SMARCA1: variants seen among roughly 807,000 people sequenced by gnomAD.
SMARCA1 encodes SWI/SNF-related matrix-associated actin-dependent regulator of chromatin subfamily A member 1.
SMARCA1 carries 17 observed loss-of-function variants against 93.6 expected under a neutral mutation model. That is an observed-to-expected ratio of 0.18 (90% CI 0.12 to 0.27). SMARCA1 has a LOEUF of 0.27. Among genes scored for constraint, SMARCA1 ranks in the 10% least tolerant of loss-of-function variants. The pLI is 1.00. For missense variants in SMARCA1, 630 were observed against 819.0 expected (o/e 0.77, Z 2.82); for synonymous variants, 271 against 271.4 (o/e 1.00, Z 0.01).
At chrX:129,458,545 C>T (rs1932740050) in intron 23 of SMARCA1, among the ~76,000 whole-genome samples, 1 of 112,320 alleles carries the variant, frequency 8.9e-6, no homozygotes, top group South Asian at 3.6e-4. Context: ...GAATATCAAT[C>T]ATCCTGGGCA....
chrX:129,465,870 T>C lies in SMARCA1; in HGVS notation c.2791A>G (p.Ser931Gly). Residue 931 changes from serine (S) to glycine (G), a missense_variant, in exon 22 of 25, where the codon AGT becomes GGT. Transcript: ENST00000371121. ...TTGGCATCCAGGGCTTTCTTGATAC[T>C]GATCCTTCGTTGAATTCTTGCTTCT... is the stretch of plus-strand genomic sequence containing the variant. The part of the protein sequence containing the change: ...RGEARIQRRI[S>G]IKKALDAKIA... 8.5e-7 allele frequency: 1 copy of C among 1,174,328 alleles called. No individual in the cohort carries two copies. The highest frequency in any genetic ancestry group is 1.8e-5 in the African/African-American group (1 of 56,773).
chrX:129,447,358 T>C (rs1431018110), intron 24 of SMARCA1, 125 bp from the exon 25 acceptor site: 20 of 682,748 alleles, frequency 2.9e-5, no homozygotes, highest in Non-Finnish European at 4.1e-5. Context: ...TTAAATGTTA[T>C]ATTCACAGTT....
intron 5 of SMARCA1, among the ~76,000 whole-genome samples, chrX:129,513,120 T>C (rs1935067675): frequency 8.9e-6 from 1 of 112,241 alleles, no homozygotes; most frequent in African/African-American, 3.2e-5. Context: ...TATGCCAAAA[T>C]GTTAGCTGTG....
chrX:129,463,318 C>T (rs1436534955), intron 23 of SMARCA1, among the ~76,000 whole-genome samples: 2 of 111,625 alleles, frequency 1.8e-5, no homozygotes, highest in Non-Finnish European at 3.8e-5. Context: ...GAGTTCTCTG[C>T]TAAACATAGT....
At chrX:129,458,575 G>C (rs1932741128) in intron 23 of SMARCA1, among the ~76,000 whole-genome samples, 1 of 112,134 alleles carries the variant, frequency 8.9e-6, no homozygotes, top group African/African-American at 3.2e-5. Flanking sequence ...AATATCCTTT[G>C]CTCCAATACT....
At chrX:129,483,980 A>G (rs1405463964) in intron 17 of SMARCA1, among the ~76,000 whole-genome samples, 1 of 112,308 alleles carries the variant, frequency 8.9e-6, no homozygotes, top group Non-Finnish European at 1.9e-5. Flanking sequence ...CAGAAATAAA[A>G]TATAATCTCA....
At chrX:129,477,878 C>G (rs1933458319) in intron 19 of SMARCA1, among the ~76,000 whole-genome samples, 1 of 110,028 alleles carries the variant, frequency 9.1e-6, no homozygotes, top group African/African-American at 3.3e-5. Context: ...ACCTACAAAG[C>G]CCTCCATATG....
At chrX:129,498,685 T>C (rs1176925756) in intron 10 of SMARCA1, among the ~76,000 whole-genome samples, 2 of 111,687 alleles carry the variant, frequency 1.8e-5, no homozygotes, top group Non-Finnish European at 3.8e-5. Context: ...CTAAGAGAAG[T>C]TAAACAACTT....
intron 23 of SMARCA1, among the ~76,000 whole-genome samples, chrX:129,462,507 G>A (rs1232824861): frequency 9.0e-6 from 1 of 111,527 alleles, no homozygotes; most frequent in Non-Finnish European, 1.9e-5. Flanking sequence ...AAATGTATGT[G>A]TGTTTTAAAA....
intron 10 of SMARCA1, 41 bp from the exon 11 acceptor site, chrX:129,498,112 G>T: frequency 1.3e-6 from 1 of 778,059 alleles, no homozygotes; most frequent in Non-Finnish European, 2.0e-6. Flanking sequence ...TTACTAGAAA[G>T]TTAATGTCAT....
chrX:129,504,932 T>G, intron 8 of SMARCA1, 130 bp from the exon 9 acceptor site: 8 of 429,942 alleles, frequency 1.9e-5, no homozygotes, highest in Non-Finnish European at 2.4e-5. Context: ...TTATCAGCTG[T>G]GATAGCTACT....
At chrX:129,484,514 C>T (rs1308086183) in intron 17 of SMARCA1, among the ~76,000 whole-genome samples, 1 of 111,786 alleles carries the variant, frequency 8.9e-6, no homozygotes, top group South Asian at 3.7e-4. Context: ...CAAAATGTCT[C>T]ACCTCTCATT....
At chrX:129,504,610 GAGA>G in intron 9 of SMARCA1, 121 bp downstream of exon 9, 1 of 368,925 alleles carries the variant, frequency 2.7e-6, no homozygotes, top group African/African-American at 2.9e-5. Context: ...GGTTAGGAGG[GAGA>G]AACAGTGACA....
intron 17 of SMARCA1, among the ~76,000 whole-genome samples, chrX:129,484,317 T>C (rs1015279747): frequency 2.7e-5 from 3 of 111,847 alleles, no homozygotes; most frequent in African/African-American, 9.7e-5. Flanking sequence ...CTCAAAAGCA[T>C]ATTAGAAAGG....
Position 129,508,178 on chromosome X carries a change from A to G in SMARCA1, c.811-82T>C, listed in dbSNP as rs999719710. The G allele has an allele frequency of 8.3e-5, 51 of 612,575 alleles. No individual in the cohort carries two copies. The African/African-American group carries it at 9.6e-4, about 12-fold the overall frequency. 50.5% of individuals were successfully genotyped at this position (612,575 alleles called of 1,213,427 possible). The stretch of plus-strand genomic sequence containing the variant: ...AGATGATCACAGAATTAAAATATCA[A>G]GAAAATATTAAGAATTCTAAGAGAC... On this transcript the variant is annotated intron_variant, in intron 6 of 24. Coordinates refer to ENST00000371121, the MANE Select transcript of SMARCA1 (RefSeq NM_001282874.2).
At chrX:129,487,330 G>A (rs566852531) in intron 16 of SMARCA1, among the ~76,000 whole-genome samples, 193 bp from the exon 17 acceptor site, 33 of 112,140 alleles carry the variant, frequency 2.9e-4, no homozygotes, top group African/African-American at 1.0e-3. Flanking sequence ...ATATTTAAAT[G>A]GTGCTTCCCA....
At chrX:129,472,939 A>G (rs1933203780) in intron 19 of SMARCA1, among the ~76,000 whole-genome samples, 1 of 111,704 alleles carries the variant, frequency 9.0e-6, no homozygotes, top group Non-Finnish European at 1.9e-5. Flanking sequence ...CCTTGCCCAC[A>G]AGGAGCTCAC....
Position 129,506,167 on chromosome X carries a change from G to T in SMARCA1, c.1011C>A (p.Leu337=). ...TATTCTGCAAAGGTGTTCCAGTTAG[G>T]AGCAAGCGGTTAGTCGACTTGAACT... The part of the protein sequence containing the change: ...VREFKSTNRL[L]LTGTPLQNNL... The change falls in exon 8 of 25, where the codon CTC becomes CTA. Residue 337 remains leucine, a synonymous_variant. Coordinates refer to ENST00000371121, the MANE Select transcript of SMARCA1 (RefSeq NM_001282874.2). 1 of 1,196,525 alleles carries T rather than the reference G, an allele frequency of 8.4e-7. No individual in the cohort carries two copies.
intron 19 of SMARCA1, among the ~76,000 whole-genome samples, chrX:129,476,146 T>G (rs1228205534): frequency 8.9e-6 from 1 of 112,180 alleles, no homozygotes; most frequent in Non-Finnish European, 1.9e-5. Flanking sequence ...TATAAAGGTT[T>G]TAGTGACCAA....
Sources: allele counts gnomAD v4.1 joint callset (sites outside exome capture counted in the v4.1 genomes callset), GRCh38; gene constraint gnomAD v4.1.1; transcripts MANE v1.5; gene names NCBI Gene and HGNC (gene_info 2026-07-23, HGNC 2026-07-21).